Variants in OPRM1 observed in about 807,000 individuals in gnomAD.
The protein encoded by OPRM1 is opioid receptor mu 1, also known as mu-type opioid receptor.
In OPRM1, 27 loss-of-function variants were observed where a neutral mutation model predicts 31.8. The ratio of observed to expected loss-of-function variants is 0.85; its 90% CI spans 0.63 to 1.17. OPRM1 has a LOEUF of 1.17. Among genes scored for constraint, OPRM1 ranks in the 50% most tolerant of loss-of-function variants. The pLI, the probability that OPRM1 is intolerant of heterozygous loss-of-function variation, is 0.00. For synonymous variants in OPRM1, 196 were observed against 189.9 expected, an observed-to-expected ratio of 1.03 and a Z score of -0.26; for missense variants, 536 against 511.1, an observed-to-expected ratio of 1.05 and a Z score of -0.47.
At chr6:154,166,187 T>C (rs1427924466) in intron 3 of OPRM1, among the ~76,000 whole-genome samples, 5 of 152,234 alleles carry the variant, frequency 3.3e-5, no homozygotes, top group Non-Finnish European at 7.3e-5. Context: ...GGATAACCGA[T>C]ACACTGACAG....
intron 1 of OPRM1, among the ~76,000 whole-genome samples, chr6:154,023,586 T>C (rs1177889203): frequency 6.6e-6 from 1 of 152,198 alleles, no homozygotes; most frequent in Admixed American, 6.5e-5. Context: ...AGTACTATGT[T>C]AAATAACAGT....
rs1795716549 is a variant in OPRM1 at position 154,107,300 on chromosome 6, CT to C, written c.1165-11379del. ...AACCATAGCACTCTTTAATAAAGTT[CT>C]TTTAGAATTTCTTATGCCAAAAGGC... On this transcript the variant is annotated intron_variant, in intron 3 of 3. Coordinates refer to ENST00000330432, the MANE Select transcript of OPRM1 (RefSeq NM_000914.5). Among the ~76,000 whole-genome samples, 5 of 152,288 alleles carry C rather than the reference CT, an allele frequency of 3.3e-5. No individual in the cohort carries two copies. In the South Asian group the frequency reaches 1.0e-3, roughly 32 times the overall value.
intron 1 of OPRM1, among the ~76,000 whole-genome samples, chr6:154,021,552 G>A (rs988667142): frequency 6.6e-6 from 1 of 152,174 alleles, no homozygotes; most frequent in Admixed American, 6.5e-5. Flanking sequence ...TTGGGAAGAA[G>A]TGATGTCTTG....
In OPRM1 at chr6:154,169,291, G is replaced by A. The variant is rs371200089; in HGVS notation, c.1165-77402G>A. ...CACGAGAATCACTTGAGCCTGGGAG[G>A]TGGAGGTTGCAGTGAGCTGAGATCA... On this transcript the variant is annotated intron_variant, in intron 3 of 3. Transcript: ENST00000337049. Among the ~76,000 whole-genome samples the A allele has an allele frequency of 3.9e-5, 6 of 152,238 alleles. 1 individual carries two copies. The highest frequency in any genetic ancestry group is 1.4e-4 in the African/African-American group (6 of 41,544).
chr6:154,099,401 A>G (rs1369121740), intron 3 of OPRM1, among the ~76,000 whole-genome samples: 2 of 79,000 alleles, frequency 2.5e-5, no homozygotes. Flanking sequence ...GAAAGAAAGT[A>G]AAGAAAGAAA....
At chr6:154,232,199 C>A (rs1001483626) in intron 3 of OPRM1, among the ~76,000 whole-genome samples, 2 of 152,212 alleles carry the variant, frequency 1.3e-5, no homozygotes, top group African/African-American at 2.4e-5. Context: ...CAATCTACAT[C>A]CTGCAACTAT....
At chr6:154,055,497 ACACT>A (rs1284098795) in intron 1 of OPRM1, among the ~76,000 whole-genome samples, 2 of 152,138 alleles carry the variant, frequency 1.3e-5, no homozygotes, top group African/African-American at 4.8e-5. Context: ...CAACCTACCA[ACACT>A]CACTCAGGGC....
chr6:154,187,222 T>TA (rs1331962126), intron 3 of OPRM1, among the ~76,000 whole-genome samples: 2 of 151,804 alleles, frequency 1.3e-5, no homozygotes, highest in African/African-American at 4.9e-5. Context: ...ACTACCAATG[T>TA]AAAATCACAC....
chr6:154,080,797 G>A (rs555256381), intron 1 of OPRM1, among the ~76,000 whole-genome samples: 1 of 152,116 alleles, frequency 6.6e-6, no homozygotes, highest in East Asian at 1.9e-4. Flanking sequence ...TACATCCAAA[G>A]TGTCAACACC....
At chr6:154,110,473 T>C in intron 3 of OPRM1, 2 of 1,113,840 alleles carry the variant, frequency 1.8e-6, no homozygotes, top group Non-Finnish European at 2.7e-6. Flanking sequence ...TGGGTTCTGC[T>C]GCTAGCCCTA....
At chr6:154,166,566 C>T (rs1799451600) in intron 3 of OPRM1, among the ~76,000 whole-genome samples, 2 of 152,152 alleles carry the variant, frequency 1.3e-5, no homozygotes, top group South Asian at 4.1e-4. Context: ...TCCACTGTCC[C>T]CCTTGGACCA....
At chr6:154,039,149 TCCCTC>T (rs1368317340), upstream of OPRM1, 1 of 1,550,258 alleles carries the variant, frequency 6.5e-7, no homozygotes, top group Non-Finnish European at 8.7e-7. Context: ...TCTCTCCATC[TCCCTC>T]CTTTAGATGT....
In OPRM1 at chr6:154,071,015, T is replaced by C. The variant is rs1003937338; in HGVS notation, c.291-18811T>C. Among the ~76,000 whole-genome samples, 24 of 152,340 alleles carry C rather than the reference T, an allele frequency of 1.6e-4. 1 individual carries two copies. The highest frequency in any genetic ancestry group is 1.2e-3 in the Admixed American group (19 of 15,304). ...GACATTGTAAGGTGCAAAATACCTCTAGAAGGTATTGAAAATACTCACTGT... is the reference window on the plus strand; with the variant it reads ...GACATTGTAAGGTGCAAAATACCTCCAGAAGGTATTGAAAATACTCACTGT... On this transcript the variant is annotated intron_variant, in intron 1 of 3. Transcript: ENST00000330432.
rs1416901311 is a variant in OPRM1, at chr6:154,127,752, T to C, written c.*9031T>C. Among the ~76,000 whole-genome samples, 1 of 152,264 alleles carries C rather than the reference T, an allele frequency of 6.6e-6. No homozygotes were observed. The highest frequency in any genetic ancestry group is 1.5e-5 in the Non-Finnish European group (1 of 68,044). ...GTTGATTCTTGTTCTCCTGCATCTC[T>C]GCAGGTGGCAAACCTGATTCCTAAT... On this transcript the variant is annotated 3_prime_UTR_variant, in exon 4 of 4. Coordinates refer to ENST00000330432, the MANE Select transcript of OPRM1 (RefSeq NM_000914.5).
At position 154,230,694 on chromosome 6, in the gene OPRM1, A is replaced by G. The variant is rs529635986; in HGVS notation, c.1165-15999A>G. ...GTTAAAAAATGAAAAGTAATATTATATCTCTATTTTCAATGAAACCATAGT... is the reference window on the plus strand; with the variant it reads ...GTTAAAAAATGAAAAGTAATATTATGTCTCTATTTTCAATGAAACCATAGT... On this transcript the variant is annotated intron_variant, in intron 3 of 3. Coordinates refer to the OPRM1 transcript ENST00000337049. 6.6e-5 allele frequency among the ~76,000 whole-genome samples: 10 copies of G among 152,286 alleles called. No individual in the cohort carries two copies. The East Asian group carries it at 1.7e-3, about 26-fold the overall frequency.
At chr6:154,053,265 G>T (rs1253765834) in intron 1 of OPRM1, among the ~76,000 whole-genome samples, 1 of 152,162 alleles carries the variant, frequency 6.6e-6, no homozygotes, top group Non-Finnish European at 1.5e-5. Flanking sequence ...ACTGTCATCT[G>T]CAAATTCATA....
intron 3 of OPRM1, among the ~76,000 whole-genome samples, chr6:154,184,167 A>G (rs1801136734): frequency 6.6e-6 from 1 of 151,884 alleles, no homozygotes; most frequent in South Asian, 2.1e-4. Context: ...AGTACACTTC[A>G]AATGTTGAGT....
At chr6:154,082,417 G>T (rs370162613) in intron 1 of OPRM1, among the ~76,000 whole-genome samples, 2 of 151,876 alleles carry the variant, frequency 1.3e-5, no homozygotes, top group Non-Finnish European at 2.9e-5. Context: ...TGTACTAAGC[G>T]CAGTAAAAAA....
rs1206094983 is a variant in OPRM1 at position 154,100,221 on chromosome 6, ATCG to A, written c.1164+8751_1164+8753del. ...AATATATATTATCATATTATGACAT[ATCG>A]TAATATATATTATCATATTATGACA... On this transcript the variant is annotated intron_variant, in intron 3 of 3. Transcript: ENST00000330432. Among the ~76,000 whole-genome samples the A allele has an allele frequency of 9.7e-4, 143 of 146,692 alleles. 34 individuals are homozygous for A. The highest frequency in any genetic ancestry group is 1.7e-3 in the Non-Finnish European group (114 of 66,778).
Sources: gnomAD v4.1 joint callset for allele counts (sites outside exome capture counted in the v4.1 genomes callset) on GRCh38, gnomAD v4.1.1 for gene constraint, MANE v1.5 for transcripts, NCBI Gene and HGNC (gene_info 2026-07-23, HGNC 2026-07-21) for gene names.